Variants in RANBP2 observed in about 807,000 individuals in gnomAD.
The protein encoded by RANBP2 is E3 SUMO-protein ligase RanBP2.
In RANBP2, 57 loss-of-function variants were observed where a neutral mutation model predicts 303.6. The ratio of observed to expected loss-of-function variants is 0.19; its 90% confidence interval spans 0.15 to 0.23. The LOEUF is 0.23. RANBP2 is among the 10% of genes least tolerant of loss of function. The pLI is 1.00. For missense variants in RANBP2, 3,138 were observed against 3,780.8 expected (o/e 0.83, Z 4.46); for synonymous variants, 1,167 against 1,301.5 (o/e 0.90, Z 2.23).
At chr2:108,970,727 GT>G in the RANBP2 span, among the ~76,000 whole-genome samples, 2 of 152,104 alleles carry the variant, frequency 1.3e-5, no homozygotes, top group East Asian at 1.9e-4. Flanking sequence ...TAAGATGATG[GT>G]TTTTTAAAAG....
At chr2:108,877,296 C>T in the RANBP2 span, among the ~76,000 whole-genome samples, 1 of 90,220 alleles carries the variant, frequency 1.1e-5, no homozygotes, top group African/African-American at 2.9e-5. Context: ...GGTGAAACCC[C>T]GTCTCTACAA....
the RANBP2 span, among the ~76,000 whole-genome samples, chr2:108,925,012 C>T: frequency 6.6e-6 from 1 of 152,254 alleles, no homozygotes; most frequent in African/African-American, 2.4e-5. Flanking sequence ...CTCTGTGCCT[C>T]ACTTCCTCGC....
chr2:108,919,213 C>T, the RANBP2 span, among the ~76,000 whole-genome samples: 3 of 152,146 alleles, frequency 2.0e-5, no homozygotes, highest in Non-Finnish European at 4.4e-5. Context: ...GCACAAGAGA[C>T]GGAAACCACG....
chr2:109,303,786 TG>T, the RANBP2 span, among the ~76,000 whole-genome samples: 1 of 152,246 alleles, frequency 6.6e-6, no homozygotes, highest in Non-Finnish European at 1.5e-5. Flanking sequence ...TCGATGAGTC[TG>T]GGGGTGAGTC....
chr2:108,894,102 G>T, the RANBP2 span, among the ~76,000 whole-genome samples: 7 of 152,062 alleles, frequency 4.6e-5, no homozygotes, highest in Non-Finnish European at 8.8e-5. Flanking sequence ...TAAGTCAGCT[G>T]ACTGACCCCC....
chr2:109,231,959 A>G, the RANBP2 span, among the ~76,000 whole-genome samples: 1 of 152,250 alleles, frequency 6.6e-6, no homozygotes, highest in African/African-American at 2.4e-5. Flanking sequence ...CCATCACCAC[A>G]ATACATTGTA....
chr2:109,578,139 G>T, the RANBP2 span, among the ~76,000 whole-genome samples: 1 of 151,926 alleles, frequency 6.6e-6, no homozygotes, highest in Non-Finnish European at 1.5e-5. Context: ...TATAGAACTG[G>T]CAGGACAAAC....
At chr2:109,154,136 G>C in the RANBP2 span, among the ~76,000 whole-genome samples, 1 of 152,164 alleles carries the variant, frequency 6.6e-6, no homozygotes, top group Non-Finnish European at 1.5e-5. Context: ...CTGGTTTCTA[G>C]AGCTTTGTCT....
At chr2:108,912,381 GTC>G in the RANBP2 span, among the ~76,000 whole-genome samples, 1 of 152,292 alleles carries the variant, frequency 6.6e-6, no homozygotes, top group South Asian at 2.1e-4. Context: ...AGGACGCCTG[GTC>G]TCTCCTCCTG....
the RANBP2 span, among the ~76,000 whole-genome samples, chr2:109,578,415 G>A: frequency 1.3e-5 from 2 of 152,170 alleles, no homozygotes; most frequent in Non-Finnish European, 2.9e-5. Flanking sequence ...AGGTCACTAC[G>A]TAATAATAAA....
chr2:109,688,781 T>TAAAAAA, the RANBP2 span, among the ~76,000 whole-genome samples: 4 of 43,726 alleles, frequency 9.1e-5, no homozygotes, highest in African/African-American at 1.7e-4. Flanking sequence ...TCTGTCTCAA[T>TAAAAAA]AAAAAAAAAA....
At chr2:109,382,861 C>G in the RANBP2 span, among the ~76,000 whole-genome samples, 6 of 152,206 alleles carry the variant, frequency 3.9e-5, no homozygotes, top group Non-Finnish European at 8.8e-5. Context: ...GATTATGAAC[C>G]CTGCCCCAAT....
the RANBP2 span, among the ~76,000 whole-genome samples, chr2:109,395,740 AG>A: frequency 6.6e-6 from 1 of 152,162 alleles, no homozygotes. Flanking sequence ...GGCACTGCTG[AG>A]GGGCCAGGCA....
chr2:108,876,091 T>C, the RANBP2 span: 1 of 1,579,078 alleles, frequency 6.3e-7, no homozygotes, highest in Admixed American at 1.7e-5. Flanking sequence ...TTTACAGGAG[T>C]AATAAGAAGC....
chr2:109,058,426 G>A, the RANBP2 span, among the ~76,000 whole-genome samples: 104 of 152,258 alleles, frequency 6.8e-4, no homozygotes, highest in African/African-American at 2.4e-3. Flanking sequence ...CCCCTAAAAC[G>A]ATGCGGGCAG....
chr2:108,756,397 A>T (rs192528097), intron 17 of RANBP2, among the ~76,000 whole-genome samples: 6 of 151,854 alleles, frequency 4.0e-5, no homozygotes, highest in Non-Finnish European at 7.4e-5. Context: ...AATTGGAAAT[A>T]AAAGTAGGTT....
chr2:109,057,984 G>A, the RANBP2 span, among the ~76,000 whole-genome samples: 3 of 152,272 alleles, frequency 2.0e-5, no homozygotes, highest in Admixed American at 1.3e-4. Flanking sequence ...GGGCCTTTGT[G>A]GCTGCGGAGG....
the RANBP2 span, among the ~76,000 whole-genome samples, chr2:109,551,029 T>G: frequency 6.6e-6 from 1 of 152,114 alleles, no homozygotes; most frequent in African/African-American, 2.4e-5. Context: ...TTTCTTAAAG[T>G]GGGGAGGGTA....
At chr2:109,176,563 C>G in the RANBP2 span, among the ~76,000 whole-genome samples, 1 of 152,134 alleles carries the variant, frequency 6.6e-6, no homozygotes, top group African/African-American at 2.4e-5. Context: ...GAGACCCTAT[C>G]CCTACAAAAA....
Sources: allele counts gnomAD v4.1 joint callset (sites outside exome capture counted in the v4.1 genomes callset), GRCh38; gene constraint gnomAD v4.1.1; transcripts MANE v1.5; gene names NCBI Gene and HGNC (gene_info 2026-07-23, HGNC 2026-07-21).